GALNT3: variants seen among roughly 807,000 people sequenced by gnomAD.
GALNT3 encodes polypeptide N-acetylgalactosaminyltransferase 3.
In GALNT3, 51 loss-of-function variants were observed where a neutral mutation model predicts 69.8. The ratio of observed to expected loss-of-function variants is 0.73; its 90% confidence interval spans 0.58 to 0.92. The LOEUF is 0.92. Among genes scored for constraint, GALNT3 ranks in the 40% least tolerant of loss-of-function variants. The pLI is 0.00. For synonymous variants in GALNT3, 265 were observed against 248.5 expected, an observed-to-expected ratio of 1.07 and a Z score of -0.63; for missense variants, 711 against 760.0, an observed-to-expected ratio of 0.94 and a Z score of 0.76.
rs1688738514 is a variant in GALNT3, at chr2:165,770,764, T to G, written c.-64A>C. ...ATTTCTTCTTCTGTTACTTATATTTTTTATCATAGATTTGCTGAGAAGAAG... is the reference window on the plus strand; with the variant it reads ...ATTTCTTCTTCTGTTACTTATATTTGTTATCATAGATTTGCTGAGAAGAAG... On this transcript the variant is annotated 5_prime_UTR_variant, in exon 2 of 11. Transcript: ENST00000392701. The G allele has an allele frequency of 1.5e-5, 23 of 1,553,936 alleles. No individual in the cohort carries two copies. Among genetic ancestry groups the G allele is most frequent in the Non-Finnish European group, 1.9e-5 (22 of 1,149,034 alleles).
rs140987260 is a variant in GALNT3, at chr2:165,789,793, G to C, written c.-109+4222C>G. On this transcript the variant is annotated intron_variant, in intron 1 of 10. Transcript: ENST00000392701. ...GTAAAAGTGTACCCCAGCAGGGCCT[G>C]GGCAGTATTATGTAATCAAACAGCA... Among the ~76,000 whole-genome samples the C allele has an allele frequency of 2.9e-3, 446 of 152,206 alleles. 1 individual carries two copies. The highest frequency in any genetic ancestry group is 2.6e-3 in the Non-Finnish European group (176 of 68,008).
At chr2:165,761,617 G>A (rs1173622739) in intron 4 of GALNT3, 22 of 542,864 alleles carry the variant, frequency 4.1e-5, no homozygotes, top group African/African-American at 8.1e-5. Flanking sequence ...AAGAAACATG[G>A]AAAAAAAAAA....
chr2:165,780,583 T>A (rs1263273026), intron 1 of GALNT3, among the ~76,000 whole-genome samples: 1 of 152,224 alleles, frequency 6.6e-6, no homozygotes, highest in Non-Finnish European at 1.5e-5. Flanking sequence ...TACACAGTCA[T>A]TAATCTTGGG....
intron 1 of GALNT3, among the ~76,000 whole-genome samples, chr2:165,790,939 T>C (rs1186673709): frequency 1.3e-5 from 2 of 152,172 alleles, no homozygotes; most frequent in African/African-American, 2.4e-5. Context: ...AACTCAGTCA[T>C]AAAACTTTAA....
chr2:165,780,791 A>G (rs1445621300), intron 1 of GALNT3, among the ~76,000 whole-genome samples: 1 of 152,110 alleles, frequency 6.6e-6, no homozygotes, highest in African/African-American at 2.4e-5. Flanking sequence ...TCCCTGGTTC[A>G]TGCAACTTAT....
chr2:165,762,875 C>T (rs879834110), intron 3 of GALNT3, among the ~76,000 whole-genome samples: 9 of 152,122 alleles, frequency 5.9e-5, no homozygotes, highest in East Asian at 5.8e-4. Flanking sequence ...CTGCAACCTC[C>T]GCCTCTGGGC....
chr2:165,757,217 T>C lies in GALNT3; in HGVS notation c.1222A>G (p.Met408Val), dbSNP rs1308593739. 2 of 1,614,072 alleles carry C rather than the reference T, an allele frequency of 1.2e-6. No homozygotes were observed. The highest frequency in any genetic ancestry group is 4.5e-5 in the East Asian group (2 of 44,868). ...ACATGTCCAACAACAGAGCAAGGCA[T>C]AATCTCCAACTGCCCACCACATTGC... is the stretch of plus-strand genomic sequence containing the variant. ...VWQCGGQLEI[M>V]PCSVVGHVFR... Residue 408 changes from methionine (M) to valine (V), a missense_variant, in exon 7 of 11, where the codon ATG becomes GTG. Coordinates refer to ENST00000392701, the MANE Select transcript of GALNT3 (RefSeq NM_004482.4).
chr2:165,779,373 CT>C (rs922891455), intron 1 of GALNT3, among the ~76,000 whole-genome samples: 2 of 152,214 alleles, frequency 1.3e-5, no homozygotes, highest in African/African-American at 2.4e-5. Flanking sequence ...AAAGTCTACA[CT>C]TTTCACTACT....
At chr2:165,793,326 AT>A (rs1231024682) in intron 1 of GALNT3, among the ~76,000 whole-genome samples, 1 of 152,022 alleles carries the variant, frequency 6.6e-6, no homozygotes, top group Non-Finnish European at 1.5e-5. Flanking sequence ...TGGCAGTTGG[AT>A]TTCTTCCCGC....
At chr2:165,763,747 C>T (rs182678804) in intron 3 of GALNT3, among the ~76,000 whole-genome samples, 2 of 152,204 alleles carry the variant, frequency 1.3e-5, no homozygotes, top group East Asian at 1.9e-4. Context: ...ATGAACTTCC[C>T]GTAAATTTAT....
intron 1 of GALNT3, among the ~76,000 whole-genome samples, chr2:165,779,570 T>C (rs1005954117): frequency 5.9e-5 from 9 of 152,212 alleles, no homozygotes; most frequent in African/African-American, 1.9e-4. Flanking sequence ...AGTTACTCCT[T>C]AAATTCTGTC....
intron 1 of GALNT3, among the ~76,000 whole-genome samples, chr2:165,782,358 G>A (rs564784408): frequency 4.0e-5 from 6 of 148,316 alleles, no homozygotes; most frequent in South Asian, 2.2e-4. Flanking sequence ...ACACTAACAC[G>A]ATAGCTGATG....
chr2:165,766,241 A>G (rs1411037895), intron 2 of GALNT3, among the ~76,000 whole-genome samples: 1 of 152,262 alleles, frequency 6.6e-6, no homozygotes, highest in Non-Finnish European at 1.5e-5. Flanking sequence ...ATCTAAATAA[A>G]GACCTAAATC....
chr2:165,767,391 T>G (rs1688662531), intron 2 of GALNT3, among the ~76,000 whole-genome samples: 1 of 152,162 alleles, frequency 6.6e-6, no homozygotes, highest in Non-Finnish European at 1.5e-5. Context: ...TATTAATCGA[T>G]AATTATAAAA....
rs77892731 is a variant in GALNT3, at chr2:165,762,295, C to A, written c.689-241G>T. Among the ~76,000 whole-genome samples, 56 of 152,294 alleles carry A rather than the reference C, an allele frequency of 3.7e-4. 2 individuals carry two copies. In the East Asian group the frequency reaches 8.9e-3, roughly 24 times the overall value. ...AATGCATACTTATTCTGTACACTTC[C>A]TATCAATAAATATAATGTGTTTGGA... On this transcript the variant is annotated intron_variant, in intron 3 of 10. Coordinates refer to ENST00000392701, the MANE Select transcript of GALNT3 (RefSeq NM_004482.4).
intron 9 of GALNT3, among the ~76,000 whole-genome samples, chr2:165,754,370 G>C (rs535047715): frequency 1.4e-5 from 2 of 146,936 alleles, no homozygotes; most frequent in Non-Finnish European, 3.0e-5. Context: ...GATTACAGGC[G>C]TGAGCCACTC....
intron 1 of GALNT3, among the ~76,000 whole-genome samples, chr2:165,788,663 C>T (rs911707232): frequency 6.6e-6 from 1 of 151,514 alleles, no homozygotes; most frequent in Non-Finnish European, 1.5e-5. Flanking sequence ...GTTTTAAGAG[C>T]CATTAAGAGC....
intron 3 of GALNT3, among the ~76,000 whole-genome samples, chr2:165,764,042 G>A (rs1436146654): frequency 6.6e-6 from 1 of 152,100 alleles, no homozygotes; most frequent in African/African-American, 2.4e-5. Flanking sequence ...TGTAATCATT[G>A]AAATAATATG....
At chr2:165,785,799 C>A (rs1045409181) in intron 1 of GALNT3, among the ~76,000 whole-genome samples, 2 of 152,006 alleles carry the variant, frequency 1.3e-5, no homozygotes, top group African/African-American at 4.8e-5. Flanking sequence ...CGAACAGGGG[C>A]AAGAGGACAG....
Sources: gnomAD v4.1 joint callset for allele counts (sites outside exome capture counted in the v4.1 genomes callset) on GRCh38, gnomAD v4.1.1 for gene constraint, MANE v1.5 for transcripts, NCBI Gene and HGNC (gene_info 2026-07-23, HGNC 2026-07-21) for gene names.